NUF2: variants seen among roughly 807,000 people sequenced by gnomAD.
The protein encoded by NUF2 is kinetochore protein Nuf2.
In NUF2, 34 loss-of-function variants were observed where a neutral mutation model predicts 61.8. That is an observed-to-expected ratio of 0.55 (90% CI 0.42 to 0.73). The LOEUF (loss-of-function observed/expected upper bound fraction) is 0.73, where lower values mean the gene tolerates loss of function less well. NUF2 is among the 30% of genes least tolerant of loss of function. NUF2 has a pLI of 0.00. For missense variants in NUF2, 445 were observed against 539.1 expected, an observed-to-expected ratio of 0.83 and a Z score of 1.73; for synonymous variants, 172 against 181.6, an observed-to-expected ratio of 0.95 and a Z score of 0.42.
At chr1:163,355,298 A>G (rs774794530) in intron 13 of NUF2, 37 bp from the exon 14 acceptor site, 4 of 1,506,344 alleles carry the variant, frequency 2.7e-6, no homozygotes, top group Admixed American at 2.0e-5. Context: ...AGGTTGTTGC[A>G]TGGAATAATT....
intron 13 of NUF2, 31 bp from the exon 14 acceptor site, chr1:163,355,304 T>A (rs371448956): frequency 4.3e-5 from 66 of 1,531,548 alleles, no homozygotes; most frequent in Admixed American, 3.8e-5. Flanking sequence ...TTGCATGGAA[T>A]AATTATTATT....
chr1:163,355,101 A>G (rs1051078683), intron 13 of NUF2, among the ~76,000 whole-genome samples: 6 of 150,028 alleles, frequency 4.0e-5, no homozygotes, highest in Admixed American at 6.7e-5. Context: ...AATCCTAACC[A>G]TTGTCTCATG....
Position 163,350,790 on chromosome 1 carries a change from A to G in NUF2, c.1260+1710A>G, listed in dbSNP as rs139973294. Among the ~76,000 whole-genome samples the G allele has an allele frequency of 6.6e-4, 100 of 152,276 alleles. 1 individual carries two copies. The East Asian group carries it at 7.5e-3, about 11-fold the overall frequency. On this transcript the variant is annotated intron_variant, in intron 13 of 13. Coordinates refer to ENST00000271452, the MANE Select transcript of NUF2 (RefSeq NM_145697.3). Reference sequence around the variant, plus strand: ...TGGGGCCCATGAAATGTGTTTTTTAATGTGGCATTTGAGACCCACTAATAG... The same window carrying G: ...TGGGGCCCATGAAATGTGTTTTTTAGTGTGGCATTTGAGACCCACTAATAG...
intron 10 of NUF2, among the ~76,000 whole-genome samples, chr1:163,344,672 T>G (rs1156902133): frequency 1.4e-5 from 1 of 73,572 alleles, no homozygotes; most frequent in African/African-American, 4.3e-5. Context: ...CCATCTTTTG[T>G]GAAGCAATGT....
intron 13 of NUF2, among the ~76,000 whole-genome samples, chr1:163,353,738 G>A (rs1024773462): frequency 3.9e-5 from 6 of 152,132 alleles, no homozygotes; most frequent in Admixed American, 1.3e-4. Context: ...TCAGGGATAC[G>A]ATCTGTCACC....
At chr1:163,344,136 T>C (rs1267945905) in intron 10 of NUF2, among the ~76,000 whole-genome samples, 4 of 152,186 alleles carry the variant, frequency 2.6e-5, no homozygotes, top group Admixed American at 2.6e-4. Flanking sequence ...GGTGGTGAGA[T>C]TTAATTACTT....
rs750547148 is a variant in NUF2, at chr1:163,326,034, T to G, written c.-18T>G. ...CTCATTGTTTTTTCTTCCTTCAGAT[T>G]AACAGGAAACTTCCAAGATGGAAAC... On this transcript the variant is annotated splice_region_variant and 5_prime_UTR_variant, in exon 2 of 14. In the 5' UTR this introduces an upstream ATG that the reference lacks. Coordinates refer to ENST00000271452, the MANE Select transcript of NUF2 (RefSeq NM_145697.3). The G allele has an allele frequency of 3.7e-6, 6 of 1,609,256 alleles. No individual in the cohort carries two copies. The highest frequency in any genetic ancestry group is 5.1e-6 in the Non-Finnish European group (6 of 1,177,028).
chr1:163,328,918 A>G lies in NUF2; in HGVS notation c.337+11A>G. The G allele has an allele frequency of 6.5e-7, 1 of 1,534,540 alleles. No homozygotes were observed. The highest frequency in any genetic ancestry group is 9.0e-7 in the Non-Finnish European group (1 of 1,110,286). ...ATATTCTATGTCCAAGTAAGTGAGA[A>G]TTTAAAACAGTTTTAATGTCTGGCT... On this transcript the variant is annotated intron_variant, in intron 5 of 13. Coordinates refer to ENST00000271452, the MANE Select transcript of NUF2 (RefSeq NM_145697.3).
Position 163,344,640 on chromosome 1 carries a change from T to G in NUF2, c.807+770T>G, listed in dbSNP as rs865971284. ...TGGATTGACGTGGTGCAATACAAAC[T>G]TAGAAGTGGGTAGACAATTTACCAT... On this transcript the variant is annotated intron_variant, in intron 10 of 13. Coordinates refer to ENST00000271452, the MANE Select transcript of NUF2 (RefSeq NM_145697.3). Among the ~76,000 whole-genome samples the G allele has an allele frequency of 1.4e-4, 8 of 56,272 alleles. 1 individual carries two copies. In the Admixed American group the frequency reaches 1.4e-3, roughly 10 times the overall value. 36.9% of individuals were successfully genotyped at this position (56,272 alleles called of 152,430 possible).
intron 9 of NUF2, 119 bp downstream of exon 9, chr1:163,340,545 A>C: frequency 1.6e-6 from 1 of 637,002 alleles, no homozygotes; most frequent in East Asian, 2.9e-5. Context: ...AAAATGAAAC[A>C]ATCTTTTTCA....
At chr1:163,344,490 T>TAGC (rs969733650) in intron 10 of NUF2, among the ~76,000 whole-genome samples, 17 of 151,274 alleles carry the variant, frequency 1.1e-4, no homozygotes, top group African/African-American at 4.1e-4. Flanking sequence ...ATTTTAAACA[T>TAGC]AGCAGTACCA....
At chr1:163,353,797 CTG>C (rs989997393) in intron 13 of NUF2, among the ~76,000 whole-genome samples, 1 of 152,160 alleles carries the variant, frequency 6.6e-6, no homozygotes, top group Admixed American at 6.5e-5. Context: ...GTTTTTGTCT[CTG>C]TGCCTGTGCC....
Position 163,346,102 on chromosome 1 carries a change from G to T in NUF2, c.948+284G>T, listed in dbSNP as rs1234527400. The T allele has an allele frequency of 3.3e-5, 6 of 180,296 alleles. No homozygotes were observed. In the East Asian group the frequency reaches 7.0e-4, roughly 21 times the overall value. The allele number at this position is 180,296 out of a possible 1,614,324, so 11.2% of individuals were successfully genotyped here. A position where few individuals can be genotyped will look rare whatever the true frequency, so the allele number is the denominator to read the frequency against. ...CAGTAGCTCCCCCTTATCCTTAGGA[G>T]ATTCATTTCAGGACCTCCAGGGGAT... On this transcript the variant is annotated intron_variant, in intron 11 of 13. Transcript: ENST00000271452.
In NUF2 at chr1:163,346,635, A is replaced by G. The variant is rs533008133; in HGVS notation, c.948+817A>G. 3.3e-5 allele frequency among the ~76,000 whole-genome samples: 5 copies of G among 152,316 alleles called. No individual in the cohort carries two copies. In the South Asian group the frequency reaches 8.3e-4, roughly 25 times the overall value. On this transcript the variant is annotated intron_variant, in intron 11 of 13. Coordinates refer to ENST00000271452, the MANE Select transcript of NUF2 (RefSeq NM_145697.3). Reference sequence around the variant, plus strand: ...TTCGGAAGGCTGAGGCGGGAGGACCATTGAGACCAAGAGTTGGAGACCAGC... The same window carrying G: ...TTCGGAAGGCTGAGGCGGGAGGACCGTTGAGACCAAGAGTTGGAGACCAGC...
Position 163,336,763 on chromosome 1 carries a change from C to T in NUF2, c.350C>T (p.Thr117Ile). 2.5e-6 allele frequency: 4 copies of T among 1,610,144 alleles called. No homozygotes were observed. Among genetic ancestry groups the T allele is most frequent in the Non-Finnish European group, 3.4e-6 (4 of 1,176,806 alleles). ...ADILCPKAKR[T>I]SRFLSGIINF... is the part of the protein sequence containing the mutation. ...CTTTCTATTTTAGAAGCAAAACGGA[C>T]AAGTCGGTTTTTAAGTGGCATTATC... The change falls in exon 6 of 14, where the codon ACA becomes ATA. Residue 117 changes from threonine to isoleucine, a missense_variant. By Grantham distance (89) the Thr-to-Ile change is moderately conservative. Coordinates refer to ENST00000271452, the MANE Select transcript of NUF2 (RefSeq NM_145697.3).
intron 2 of NUF2, 72 bp downstream of exon 2, chr1:163,326,246 G>A: frequency 7.0e-7 from 1 of 1,426,438 alleles, no homozygotes; most frequent in African/African-American, 1.4e-5. Flanking sequence ...TCTATTGTGT[G>A]GCAAGAAAGG....
At chr1:163,335,040 G>A (rs533964984) in intron 5 of NUF2, among the ~76,000 whole-genome samples, 27 of 152,048 alleles carry the variant, frequency 1.8e-4, no homozygotes, top group African/African-American at 2.4e-4. Context: ...TGCAACCTCC[G>A]CCTCCCAGGT....
At chr1:163,341,013 G>A (rs1650926356) in intron 9 of NUF2, among the ~76,000 whole-genome samples, 1 of 151,746 alleles carries the variant, frequency 6.6e-6, no homozygotes, top group Admixed American at 6.6e-5. Context: ...AGGATTTCTG[G>A]GTCATAGGAA....
intron 7 of NUF2, among the ~76,000 whole-genome samples, chr1:163,338,914 A>G (rs1197901955): frequency 6.6e-6 from 1 of 152,000 alleles, no homozygotes; most frequent in East Asian, 1.9e-4. Context: ...GGGAGTTTAT[A>G]TAAAAATAGC....
Sources: gnomAD v4.1 joint callset for allele counts (sites outside exome capture counted in the v4.1 genomes callset) on GRCh38, gnomAD v4.1.1 for gene constraint, MANE v1.5 for transcripts, NCBI Gene and HGNC (gene_info 2026-07-23, HGNC 2026-07-21) for gene names.